ACADM: variants seen among roughly 807,000 people sequenced by gnomAD.
ACADM encodes acyl-CoA dehydrogenase medium chain, also known as medium-chain specific acyl-CoA dehydrogenase, mitochondrial.
In ACADM, 49 loss-of-function variants were observed where a neutral mutation model predicts 58.9. The ratio of observed to expected loss-of-function variants is 0.83; its 90% CI spans 0.66 to 1.06. The LOEUF (loss-of-function observed/expected upper bound fraction) is 1.06, where lower values mean the gene tolerates loss of function less well. Ranked by LOEUF, ACADM falls within the 50% of genes least tolerant of loss-of-function variation. The pLI is 0.00. For missense variants in ACADM, 496 were observed against 507.0 expected, an observed-to-expected ratio of 0.98 and a Z score of 0.21; for synonymous variants, 160 against 157.7, an observed-to-expected ratio of 1.01 and a Z score of -0.11.
intron 10 of ACADM, among the ~76,000 whole-genome samples, chr1:75,752,488 AC>A (rs1175255658): frequency 6.6e-6 from 1 of 152,076 alleles, no homozygotes; most frequent in Admixed American, 6.6e-5. Flanking sequence ...GTGTCCCTTA[AC>A]CTTAGTTTCA....
intron 6 of ACADM, among the ~76,000 whole-genome samples, chr1:75,737,300 A>G (rs1257012316): frequency 1.8e-4 from 18 of 98,992 alleles, no homozygotes; most frequent in African/African-American, 6.6e-4. Context: ...ATATATATAT[A>G]TATATATATA....
At chr1:75,743,174 GCT>G (rs34053323) in intron 7 of ACADM, among the ~76,000 whole-genome samples, 99,579 of 151,640 alleles carry the variant, frequency 0.66, 32,811 homozygotes, top group East Asian at 0.72. Context: ...ATCCATTAAG[GCT>G]CTCTCTCTCA....
rs71071962 is a variant in ACADM at position 75,753,795 on chromosome 1, C to CTTT, written c.945+3266_945+3268dup. Among the ~76,000 whole-genome samples, 33 of 81,930 alleles carry CTTT rather than the reference C, an allele frequency of 4.0e-4. 2 individuals are homozygous for CTTT. The highest frequency in any genetic ancestry group is 1.5e-3 in the Admixed American group (11 of 7,154). 53.7% of individuals were successfully genotyped at this position (81,930 alleles called of 152,430 possible). On this transcript the variant is annotated intron_variant, in intron 10 of 11. Transcript: ENST00000370841. ...GCACTCTGCAAAATGCTGATAGCTT[C>CTTT]TTTTTTTTTTTTTTTTTTTGAGACA...
chr1:75,732,765 GGA>G, intron 3 of ACADM, 24 bp downstream of exon 3: 1 of 1,606,216 alleles, frequency 6.2e-7, no homozygotes, highest in Non-Finnish European at 8.5e-7. Flanking sequence ...TTTTAAAGAG[GGA>G]AAAATCTTTT....
chr1:75,740,362 T>C (rs1239875108), intron 7 of ACADM, among the ~76,000 whole-genome samples: 1 of 152,128 alleles, frequency 6.6e-6, no homozygotes. Flanking sequence ...TGAATCTGAT[T>C]AGGAAGGCTA....
At chr1:75,734,524 A>G (rs1030101885) in intron 5 of ACADM, 27 of 411,934 alleles carry the variant, frequency 6.6e-5, no homozygotes, top group African/African-American at 5.1e-4. Flanking sequence ...ACATATTCTA[A>G]ACATAATTTT....
chr1:75,744,782 G>T (rs891709963), intron 7 of ACADM: 2 of 626,884 alleles, frequency 3.2e-6, no homozygotes, highest in South Asian at 1.7e-5. Flanking sequence ...CATCACGGCG[G>T]CCGGGTCTCC....
In ACADM at chr1:75,753,795, C is replaced by CTTTTTTTTTTTTTTTTTTTTTTT. The variant is rs71071962; in HGVS notation, c.945+3268_945+3269insTTTTTTTTTTTTTTTTTTTTTTT. 3.5e-3 allele frequency among the ~76,000 whole-genome samples: 288 copies of CTTTTTTTTTTTTTTTTTTTTTTT among 81,892 alleles called. 48 individuals are homozygous for CTTTTTTTTTTTTTTTTTTTTTTT. The highest frequency in any genetic ancestry group is 0.01 in the African/African-American group (169 of 16,460). 53.7% of individuals were successfully genotyped at this position (81,892 alleles called of 152,430 possible). A position where few individuals can be genotyped will look rare whatever the true frequency, so the allele number is the denominator to read the frequency against. ...GCACTCTGCAAAATGCTGATAGCTTCTTTTTTTTTTTTTTTTTTTGAGACA... is the reference window on the plus strand; with the variant it reads ...GCACTCTGCAAAATGCTGATAGCTTCTTTTTTTTTTTTTTTTTTTTTTTTTTTTTTTTTTTTTTTTTTGAGACA... On this transcript the variant is annotated intron_variant, in intron 10 of 11. Transcript: ENST00000370841.
intron 10 of ACADM, 147 bp from the exon 11 acceptor site, chr1:75,760,975 A>G: frequency 2.7e-6 from 2 of 742,220 alleles, no homozygotes; most frequent in Non-Finnish European, 4.4e-6. Flanking sequence ...GAGAGGCCTA[A>G]GTAGGAGGAT....
At chr1:75,729,455 GT>G (rs67063207) in intron 2 of ACADM, among the ~76,000 whole-genome samples, 29 of 129,138 alleles carry the variant, frequency 2.2e-4, no homozygotes, top group Admixed American at 4.7e-4. Flanking sequence ...AAGTTTCTGT[GT>G]TTTTTTTTTT....
chr1:75,759,302 C>T (rs1439078899), intron 10 of ACADM, among the ~76,000 whole-genome samples: 3 of 152,200 alleles, frequency 2.0e-5, no homozygotes, highest in Admixed American at 6.5e-5. Flanking sequence ...GCCCCTCTCC[C>T]CTCCCTGGAG....
At chr1:75,728,290 A>G (rs1647087119) in intron 1 of ACADM, 111 bp from the exon 2 acceptor site, 2 of 760,266 alleles carry the variant, frequency 2.6e-6, no homozygotes, top group Non-Finnish European at 4.2e-6. Flanking sequence ...GACTTTAAAA[A>G]CTATGAGTAT....
At chr1:75,751,932 C>T (rs1439042240) in intron 10 of ACADM, among the ~76,000 whole-genome samples, 1 of 151,830 alleles carries the variant, frequency 6.6e-6, no homozygotes, top group Non-Finnish European at 1.5e-5. Flanking sequence ...TATTGATGCT[C>T]CCCCATTATC....
intron 2 of ACADM, among the ~76,000 whole-genome samples, chr1:75,731,022 C>T (rs370043161): frequency 2.6e-5 from 4 of 152,056 alleles, no homozygotes; most frequent in Admixed American, 1.3e-4. Flanking sequence ...CGCAGTGGCT[C>T]GGGCCTGTAA....
chr1:75,751,396 T>C (rs1226553188), intron 10 of ACADM, among the ~76,000 whole-genome samples: 1 of 151,920 alleles, frequency 6.6e-6, no homozygotes, highest in Non-Finnish European at 1.5e-5. Flanking sequence ...TTTTGGGTGG[T>C]GTTATCTCTT....
At chr1:75,755,286 A>T (rs189703847) in intron 10 of ACADM, among the ~76,000 whole-genome samples, 1 of 152,190 alleles carries the variant, frequency 6.6e-6, no homozygotes, top group Admixed American at 6.5e-5. Context: ...GGAGTTTGAG[A>T]TCTGAGAACA....
At chr1:75,745,418 C>A (rs4646960) in intron 7 of ACADM, 48,486 of 185,478 alleles carry the variant, frequency 0.26, 6,829 homozygotes, top group Middle Eastern at 0.36. Context: ...CTGGGGAAGT[C>A]GAGACTGCAG....
chr1:75,725,045 G>A (rs1647027692), intron 1 of ACADM, among the ~76,000 whole-genome samples: 1 of 151,982 alleles, frequency 6.6e-6, no homozygotes, highest in South Asian at 2.1e-4. Context: ...CGTTATAGCC[G>A]GCATCCTCTC....
rs3831899 is a variant in ACADM at position 75,726,366 on chromosome 1, C to CAAAAA, written c.30+1559_30+1563dup. Among the ~76,000 whole-genome samples the CAAAAA allele has an allele frequency of 4.9e-5, 7 of 143,162 alleles. 1 individual carries two copies. Among genetic ancestry groups the CAAAAA allele is most frequent in the African/African-American group, 1.6e-4 (6 of 38,638 alleles). The allele number at this position is 143,162 out of a possible 152,430, so 93.9% of individuals were successfully genotyped here. A position where few individuals can be genotyped will look rare whatever the true frequency, so the allele number is the denominator to read the frequency against. On this transcript the variant is annotated intron_variant, in intron 1 of 11. Transcript: ENST00000370841. ...CCTGGGTGACAGAGGGAGACTCTGT[C>CAAAAA]AAAAAAAAAAAAAAGTCCCTCAGTA... is the stretch of plus-strand genomic sequence containing the variant.
Sources: allele counts gnomAD v4.1 joint callset (sites outside exome capture counted in the v4.1 genomes callset), GRCh38; gene constraint gnomAD v4.1.1; transcripts MANE v1.5; gene names NCBI Gene and HGNC (gene_info 2026-07-23, HGNC 2026-07-21).